The following NBPF14 variants were observed in gnomAD, a reference collection of about 807,000 sequenced individuals.
NBPF14 encodes NBPF family member NBPF14.
Under a neutral mutation model 91.2 loss-of-function variants are expected in NBPF14, and 104 were observed. That is an observed-to-expected ratio of 1.14 (90% CI 0.97 to 1.34). The LOEUF is 1.34. NBPF14 is among the 40% of genes most tolerant of loss of function. The pLI, the probability that NBPF14 is intolerant of heterozygous loss-of-function variation, is 0.00. For synonymous variants in NBPF14, 294 were observed against 303.8 expected, an observed-to-expected ratio of 0.97 and a Z score of 0.34; for missense variants, 908 against 783.0, an observed-to-expected ratio of 1.16 and a Z score of -1.91.
chr1:148,594,645 T>G (rs1172386399), intron 2 of NBPF14, among the ~76,000 whole-genome samples: 1 of 73,292 alleles, frequency 1.4e-5, no homozygotes, highest in South Asian at 5.7e-4. Flanking sequence ...AAGCAGGACT[T>G]CACTCTCACC....
At position 148,579,057 on chromosome 1, in the gene NBPF14, C is replaced by T; in HGVS notation, c.1801+17G>A. 1.8e-6 allele frequency: 1 copy of T among 557,146 alleles called. No homozygotes were observed. Among genetic ancestry groups the T allele is most frequent in the Non-Finnish European group, 3.2e-6 (1 of 316,702 alleles). The allele number at this position is 557,146 out of a possible 1,614,324, so 34.5% of individuals were successfully genotyped here. A position where few individuals can be genotyped will look rare whatever the true frequency, so the allele number is the denominator to read the frequency against. On this transcript the variant is annotated intron_variant, in intron 13 of 70. Coordinates refer to ENST00000619423, the Ensembl canonical transcript of NBPF14. ...CCATGAACTGGAGCTTTATCACCTT[C>T]ACAATGGAGTACTCACTGCCTATGT... is the stretch of plus-strand genomic sequence containing the variant.
rs1251455401 is a variant in NBPF14 at position 148,557,808 on chromosome 1, T to C, written c.4955-266A>G. 1.9e-4 allele frequency among the ~76,000 whole-genome samples: 20 copies of C among 106,842 alleles called. 1 individual carries two copies. Among genetic ancestry groups the C allele is most frequent in the South Asian group, 1.1e-3 (3 of 2,826 alleles). The allele number at this position is 106,842 out of a possible 152,430, so 70.1% of individuals were successfully genotyped here. A position where few individuals can be genotyped will look rare whatever the true frequency, so the allele number is the denominator to read the frequency against. On this transcript the variant is annotated intron_variant, in intron 39 of 70. Coordinates refer to ENST00000619423, the Ensembl canonical transcript of NBPF14. ...TTGTGCAAACAGTTATGCTTTATTG[T>C]TCCCATCAGTTCAAAGAAAATGCCC...
At chr1:148,587,451 G>T in intron 7 of NBPF14, 48 bp from the exon 8 acceptor site, 1 of 1,531,406 alleles carries the variant, frequency 6.5e-7, no homozygotes, top group Non-Finnish European at 8.9e-7. Context: ...TGGACATGCT[G>T]CTGTGGTCAT....
chr1:148,577,834 C>T, intron 14 of NBPF14, 149 bp downstream of exon 14: 1 of 585,404 alleles, frequency 1.7e-6, no homozygotes, highest in Non-Finnish European at 3.0e-6. Flanking sequence ...AACATTTACT[C>T]TAATGAGAAC....
In NBPF14 at chr1:148,577,373, A is replaced by T; in HGVS notation, c.1854-18T>A. On this transcript the variant is annotated intron_variant, in intron 14 of 70. Transcript: ENST00000619423. Reference sequence around the variant, plus strand: ...TGCTGAGCCTGGAAAAGTGGGAAAAAGTAAAGAATAAGCCAGGGGGAATCA... The same window carrying T: ...TGCTGAGCCTGGAAAAGTGGGAAAATGTAAAGAATAAGCCAGGGGGAATCA... 1 of 623,778 alleles carries T rather than the reference A, an allele frequency of 1.6e-6. No individual in the cohort carries two copies. The highest frequency in any genetic ancestry group is 2.4e-5 in the Admixed American group (1 of 41,788). 38.6% of individuals were successfully genotyped at this position (623,778 alleles called of 1,614,324 possible).
exon 69 of NBPF14, chr1:148,534,704 C>A (rs1170383426): frequency 7.2e-6 from 6 of 836,036 alleles, no homozygotes; most frequent in African/African-American, 6.9e-5. Flanking sequence ...AAGAGCCAAG[C>A]CAAGGTACTG....
At chr1:148,585,433 T>C (rs1487209462) in intron 9 of NBPF14, among the ~76,000 whole-genome samples, 1 of 151,858 alleles carries the variant, frequency 6.6e-6, no homozygotes, top group Admixed American at 6.6e-5. Flanking sequence ...TGGCCAAATA[T>C]TGAAAAGACC....
chr1:148,534,078 T>A, intron 69 of NBPF14, 109 bp from the exon 70 acceptor site: 1 of 590,278 alleles, frequency 1.7e-6, no homozygotes, highest in East Asian at 2.8e-5. Flanking sequence ...AGCATAAGAA[T>A]AGGACACTGT....
At position 148,576,005 on chromosome 1, in the gene NBPF14, G is replaced by A. The variant is rs1308155017; in HGVS notation, c.2079-194C>T. Among the ~76,000 whole-genome samples the A allele has an allele frequency of 2.0e-5, 3 of 147,200 alleles. 1 individual carries two copies. The highest frequency in any genetic ancestry group is 2.0e-4 in the East Asian group (1 of 4,980). ...GAAAAGAATGAAAGAGAAAGACAGG[G>A]AGAGGGAGAGAGAGAGAGAGAGGAG... On this transcript the variant is annotated intron_variant, in intron 16 of 70. Coordinates refer to ENST00000619423, the Ensembl canonical transcript of NBPF14.
At chr1:148,559,807 G>C (rs1657393305) in exon 37 of NBPF14, 5 of 1,527,956 alleles carry the variant, frequency 3.3e-6, no homozygotes, top group South Asian at 1.2e-5. Context: ...CATGTCAACA[G>C]CCAAGCCAAC....
chr1:148,585,007 C>G (rs1661278513), intron 10 of NBPF14, 134 bp downstream of exon 10: 1 of 847,874 alleles, frequency 1.2e-6, no homozygotes, highest in African/African-American at 1.6e-5. Flanking sequence ...TGTGTCTAAG[C>G]TGGATTATAT....
In NBPF14 at chr1:148,576,080, A is replaced by C. The variant is rs1480801675; in HGVS notation, c.2079-269T>G. On this transcript the variant is annotated intron_variant, in intron 16 of 70. Transcript: ENST00000619423. ...GGTGACACACTGATGAAGGGGTTAA[A>C]GGACACTCTGAGTTAGTGCCCTCGG... is the stretch of plus-strand genomic sequence containing the variant. 5.6e-5 allele frequency among the ~76,000 whole-genome samples: 8 copies of C among 144,036 alleles called. 1 individual carries two copies. Among genetic ancestry groups the C allele is most frequent in the African/African-American group, 1.6e-4 (6 of 37,622 alleles). The allele number at this position is 144,036 out of a possible 152,430, so 94.5% of individuals were successfully genotyped here.
Position 148,533,863 on chromosome 1 carries a change from G to T in NBPF14, c.8721C>A (p.Pro2907=), listed in dbSNP as rs1654309039. 7 of 764,164 alleles carry T rather than the reference G, an allele frequency of 9.2e-6. No individual in the cohort carries two copies. The East Asian group carries it at 1.7e-4, about 19-fold the overall frequency. The allele number at this position is 764,164 out of a possible 1,614,324, so 47.3% of individuals were successfully genotyped here. The change falls in exon 70 of 71, where the codon CCC becomes CCA. Residue 2907 remains proline (P), a splice_region_variant and synonymous_variant. Coordinates refer to ENST00000619423, the Ensembl canonical transcript of NBPF14. ...GATCCACAATTGCTGAAAGTCACCT[G>T]GGGCATGGTGGGTTTTGATCTTCTT... is the stretch of plus-strand genomic sequence containing the variant.
intron 68 of NBPF14, 114 bp from the exon 69 acceptor site, chr1:148,534,970 C>G (rs1250103958): frequency 3.7e-5 from 27 of 736,570 alleles, no homozygotes; most frequent in Non-Finnish European, 6.7e-5. Flanking sequence ...AGGACAGATC[C>G]ATTAATGAGG....
chr1:148,593,122 A>G (rs1237310057), intron 3 of NBPF14, among the ~76,000 whole-genome samples: 2 of 147,946 alleles, frequency 1.4e-5, no homozygotes, highest in Admixed American at 1.3e-4. Flanking sequence ...CGGCCACTAC[A>G]TACAAAGCCA....
rs1451522338 is a variant in NBPF14 at position 148,587,483 on chromosome 1, G to A, written c.989-80C>T. On this transcript the variant is annotated intron_variant, in intron 7 of 70. Transcript: ENST00000619423. ...TCATTGCCTACAGGACAGGAGCCAGGTCCATCCCAAGGACAAAACTCTCCC... is the reference window on the plus strand; with the variant it reads ...TCATTGCCTACAGGACAGGAGCCAGATCCATCCCAAGGACAAAACTCTCCC... The A allele has an allele frequency of 6.2e-5, 85 of 1,382,016 alleles. 7 individuals carry two copies. The highest frequency in any genetic ancestry group is 2.9e-5 in the Non-Finnish European group (29 of 987,452). 85.6% of individuals were successfully genotyped at this position (1,382,016 alleles called of 1,614,324 possible). A position where few individuals can be genotyped will look rare whatever the true frequency, so the allele number is the denominator to read the frequency against.
rs1426324838 is a variant in NBPF14 at position 148,566,130 on chromosome 1, G to C, written c.3715+13C>G. ...TCAGTGGATCCTTATCACCTTCATA[G>C]AAAGGTACTCACCTCCCACGTCAAG... On this transcript the variant is annotated intron_variant, in intron 29 of 70. Transcript: ENST00000619423. 7.9e-5 allele frequency: 38 copies of C among 483,298 alleles called. 5 individuals carry two copies. The highest frequency in any genetic ancestry group is 7.8e-4 in the South Asian group (37 of 47,282). The allele number at this position is 483,298 out of a possible 1,614,324, so 29.9% of individuals were successfully genotyped here. A position where few individuals can be genotyped will look rare whatever the true frequency, so the allele number is the denominator to read the frequency against.
chr1:148,559,831 A>C, exon 37 of NBPF14: 1 of 1,533,930 alleles, frequency 6.5e-7, no homozygotes, highest in Non-Finnish European at 8.7e-7. Context: ...CTGCTGCTCC[A>C]ATATGTAAAA....
At chr1:148,534,967 A>G (rs1413244215) in intron 68 of NBPF14, 111 bp from the exon 69 acceptor site, 3 of 738,538 alleles carry the variant, frequency 4.1e-6, no homozygotes, top group South Asian at 1.4e-5. Context: ...AAAAGGACAG[A>G]TCCATTAATG....
Sources: allele counts gnomAD v4.1 joint callset (sites outside exome capture counted in the v4.1 genomes callset), GRCh38; gene constraint gnomAD v4.1.1; transcripts MANE v1.5; gene names NCBI Gene and HGNC (gene_info 2026-07-23, HGNC 2026-07-21).